EYS: variants seen among roughly 807,000 people sequenced by gnomAD.
EYS encodes protein eyes shut homolog.
A neutral mutation model predicts 282.1 loss-of-function variants in EYS; 250 were observed. The observed-to-expected ratio is 0.89, with a 90% CI of 0.80 to 0.98. EYS has a LOEUF of 0.98. Among genes scored for constraint, EYS ranks in the 50% least tolerant of loss-of-function variants. The probability of loss-of-function intolerance (pLI) is 0.00; values close to 1 mark genes in which losing one functional copy is unlikely to be tolerated. For missense variants in EYS, 4,016 were observed against 3,709.0 expected (o/e 1.08, Z -2.15); for synonymous variants, 1,355 against 1,282.9 (o/e 1.06, Z -1.20).
chr6:64,417,487 T>C (rs1398702343), intron 28 of EYS, among the ~76,000 whole-genome samples: 5 of 152,162 alleles, frequency 3.3e-5, no homozygotes, highest in Admixed American at 6.6e-5. Flanking sequence ...TTTAGATACA[T>C]ATTGTTGGTG....
chr6:65,585,955 G>A (rs1348242633), intron 2 of EYS, among the ~76,000 whole-genome samples: 1 of 151,814 alleles, frequency 6.6e-6, no homozygotes, highest in Non-Finnish European at 1.5e-5. Flanking sequence ...TACTTTTAAA[G>A]GCAAAAAGAG....
At chr6:64,294,482 T>C (rs1768831756) in intron 30 of EYS, among the ~76,000 whole-genome samples, 1 of 152,198 alleles carries the variant, frequency 6.6e-6, no homozygotes, top group South Asian at 2.1e-4. Context: ...ATATAATTAA[T>C]ATAAAATAGT....
At chr6:65,312,693 C>A (rs1302276748) in intron 11 of EYS, among the ~76,000 whole-genome samples, 3 of 152,184 alleles carry the variant, frequency 2.0e-5, no homozygotes, top group African/African-American at 7.2e-5. Flanking sequence ...CCCCAACAAC[C>A]TGATTCATTT....
At chr6:64,702,161 A>G (rs144116163) in intron 22 of EYS, among the ~76,000 whole-genome samples, 2,564 of 152,126 alleles carry the variant, frequency 0.017, 31 homozygotes, top group Non-Finnish European at 0.021. Flanking sequence ...CAATTTTTAC[A>G]TATTTTAAAA....
At chr6:65,301,110 C>A (rs1768809179) in intron 11 of EYS, among the ~76,000 whole-genome samples, 3 of 152,190 alleles carry the variant, frequency 2.0e-5, no homozygotes, top group Admixed American at 2.0e-4. Flanking sequence ...CCTCTGCTAC[C>A]AACTTAGTTT....
At chr6:64,598,531 A>G (rs901340915) in intron 24 of EYS, among the ~76,000 whole-genome samples, 6 of 152,240 alleles carry the variant, frequency 3.9e-5, no homozygotes, top group African/African-American at 1.4e-4. Flanking sequence ...ATGAAACATC[A>G]TGACTTAAAA....
chr6:64,519,979 A>C (rs563125814), intron 26 of EYS, among the ~76,000 whole-genome samples: 7 of 151,984 alleles, frequency 4.6e-5, no homozygotes, highest in Non-Finnish European at 1.0e-4. Flanking sequence ...TGAATTTAGC[A>C]AGAAACCGTA....
chr6:64,471,485 A>G (rs77069753), intron 26 of EYS, among the ~76,000 whole-genome samples: 7,866 of 152,184 alleles, frequency 0.052, 680 homozygotes, highest in African/African-American at 0.18. Flanking sequence ...AAATAATCCT[A>G]TTCACAATAA....
chr6:64,490,733 AT>A (rs1459222864), intron 26 of EYS, among the ~76,000 whole-genome samples: 5 of 150,884 alleles, frequency 3.3e-5, no homozygotes. Flanking sequence ...AACTTTTTAA[AT>A]TTTTTTCAGT....
chr6:64,538,356 T>A (rs1001878644), intron 26 of EYS, among the ~76,000 whole-genome samples: 4 of 152,234 alleles, frequency 2.6e-5, no homozygotes, highest in African/African-American at 9.6e-5. Context: ...ATAACTTTGA[T>A]TTCTGAATTG....
intron 30 of EYS, among the ~76,000 whole-genome samples, chr6:64,234,281 A>T (rs1215056146): frequency 6.6e-6 from 1 of 152,160 alleles, no homozygotes; most frequent in Non-Finnish European, 1.5e-5. Context: ...AAAAATGAGA[A>T]TATACTCTAA....
intron 22 of EYS, 74 bp from the exon 23 acceptor site, chr6:64,626,319 C>T (rs1418860226): frequency 2.0e-6 from 3 of 1,471,334 alleles, no homozygotes; most frequent in East Asian, 5.2e-5. Context: ...TCTTGGGATT[C>T]CATCATTCAA....
At chr6:64,144,998 G>A (rs1358511156) in intron 31 of EYS, among the ~76,000 whole-genome samples, 1 of 152,010 alleles carries the variant, frequency 6.6e-6, no homozygotes, top group Non-Finnish European at 1.5e-5. Context: ...TTCTTTTGGT[G>A]GCTGGATATA....
chr6:64,730,201 G>A (rs1009304215), intron 22 of EYS, among the ~76,000 whole-genome samples: 3 of 152,144 alleles, frequency 2.0e-5, no homozygotes, highest in Admixed American at 6.5e-5. Flanking sequence ...CTTATTAACT[G>A]ATTTCAAACA....
chr6:64,469,637 G>A (rs901863660), intron 26 of EYS, among the ~76,000 whole-genome samples: 5 of 152,078 alleles, frequency 3.3e-5, no homozygotes, highest in Admixed American at 3.3e-4. Context: ...TTGCCAAGCG[G>A]ACCGTAGTCT....
chr6:64,190,026 C>T (rs911640072), intron 31 of EYS, among the ~76,000 whole-genome samples: 2 of 152,058 alleles, frequency 1.3e-5, no homozygotes, highest in Non-Finnish European at 2.9e-5. Context: ...TTTATTGATG[C>T]CTATTGCTAG....
chr6:65,088,895 T>C (rs1581898973), intron 12 of EYS, among the ~76,000 whole-genome samples: 1 of 152,196 alleles, frequency 6.6e-6, no homozygotes, highest in Admixed American at 6.5e-5. Context: ...GCTCCAGCTA[T>C]GGCAAAAAAG....
intron 12 of EYS, among the ~76,000 whole-genome samples, chr6:65,058,021 G>A (rs1278702558): frequency 1.3e-5 from 2 of 152,026 alleles, no homozygotes; most frequent in Admixed American, 6.6e-5. Context: ...GTCTAGAGAT[G>A]GTGCAGATAT....
chr6:63,992,070 TG>T (rs1163919779), intron 34 of EYS, among the ~76,000 whole-genome samples: 6 of 151,882 alleles, frequency 4.0e-5, no homozygotes, highest in African/African-American at 1.4e-4. Flanking sequence ...AATCATTACA[TG>T]TTCCTTACAA....
Sources: gnomAD v4.1 joint callset for allele counts (sites outside exome capture counted in the v4.1 genomes callset) on GRCh38, gnomAD v4.1.1 for gene constraint, MANE v1.5 for transcripts, NCBI Gene and HGNC (gene_info 2026-07-23, HGNC 2026-07-21) for gene names.